HERC4: variants seen among roughly 807,000 people sequenced by gnomAD.
The protein encoded by HERC4 is probable E3 ubiquitin-protein ligase HERC4.
In HERC4, 28 loss-of-function variants were observed where a neutral mutation model predicts 124.3. The observed-to-expected ratio is 0.23, with a 90% CI of 0.17 to 0.31. The LOEUF (loss-of-function observed/expected upper bound fraction) is 0.31. HERC4 is among the 10% of genes least tolerant of loss of function. HERC4 has a pLI of 1.00. For missense variants in HERC4, 713 were observed against 1,229.3 expected (o/e 0.58, Z 6.28); for synonymous variants, 407 against 421.5 (o/e 0.97, Z 0.42).
intron 20 of HERC4, among the ~76,000 whole-genome samples, chr10:67,939,922 T>C (rs1564930508): frequency 6.6e-6 from 1 of 152,100 alleles, no homozygotes. Context: ...TTTTTCCTTA[T>C]TTTATTTTAT....
intron 3 of HERC4, among the ~76,000 whole-genome samples, chr10:68,058,734 A>G (rs2133698395): frequency 6.6e-6 from 1 of 152,192 alleles, no homozygotes; most frequent in Non-Finnish European, 1.5e-5. Flanking sequence ...TGATTATCCT[A>G]ATTTTAGAGA....
intron 19 of HERC4, among the ~76,000 whole-genome samples, chr10:67,943,298 GAGA>G (rs1208587747): frequency 6.6e-6 from 1 of 152,072 alleles, no homozygotes; most frequent in Non-Finnish European, 1.5e-5. Context: ...CCCTCTAAAA[GAGA>G]AGGAGGAAAA....
chr10:68,017,443 A>T (rs868560697), intron 8 of HERC4, among the ~76,000 whole-genome samples: 12 of 152,238 alleles, frequency 7.9e-5, no homozygotes, highest in Admixed American at 5.2e-4. Flanking sequence ...TTTGTGCACA[A>T]GAGACCAATA....
intron 15 of HERC4, among the ~76,000 whole-genome samples, chr10:67,983,900 T>C (rs987041044): frequency 2.6e-5 from 4 of 151,134 alleles, no homozygotes; most frequent in Non-Finnish European, 5.9e-5. Context: ...GAGACGGAGG[T>C]TGCAGTGAGC....
chr10:68,034,816 T>G (rs1057406907), intron 5 of HERC4, among the ~76,000 whole-genome samples: 5 of 151,104 alleles, frequency 3.3e-5, no homozygotes, highest in African/African-American at 7.3e-5. Flanking sequence ...TTAATACTCC[T>G]CTCTCTTTTT....
At chr10:67,956,796 C>T (rs2034169631) in intron 17 of HERC4, 82 bp downstream of exon 17, 1 of 850,424 alleles carries the variant, frequency 1.2e-6, no homozygotes, top group Admixed American at 2.7e-5. Flanking sequence ...CATTACTGAT[C>T]CTAGGAAAAT....
intron 9 of HERC4, among the ~76,000 whole-genome samples, chr10:68,002,680 C>T (rs1029669538): frequency 1.8e-4 from 26 of 147,334 alleles, no homozygotes; most frequent in African/African-American, 6.5e-4. Flanking sequence ...CTCACTGCAA[C>T]CTCTGCCTCC....
chr10:67,981,122 A>C (rs1254921593), intron 15 of HERC4, among the ~76,000 whole-genome samples: 2 of 152,236 alleles, frequency 1.3e-5, no homozygotes, highest in East Asian at 3.8e-4. Flanking sequence ...TAGAAAAATA[A>C]GACCAAATGA....
At chr10:68,071,034 A>T (rs1277281842) in intron 3 of HERC4, among the ~76,000 whole-genome samples, 1 of 152,104 alleles carries the variant, frequency 6.6e-6, no homozygotes, top group Non-Finnish European at 1.5e-5. Flanking sequence ...CAGACTCTAA[A>T]TTTCTCAAGA....
At chr10:67,943,654 T>C (rs1026451740) in intron 19 of HERC4, among the ~76,000 whole-genome samples, 1 of 152,168 alleles carries the variant, frequency 6.6e-6, no homozygotes, top group African/African-American at 2.4e-5. Context: ...AGACAGCTGA[T>C]AGTTAGGGTG....
chr10:67,961,723 T>C (rs759505235), intron 16 of HERC4, among the ~76,000 whole-genome samples: 2 of 152,188 alleles, frequency 1.3e-5, no homozygotes, highest in Non-Finnish European at 2.9e-5. Context: ...TCACCAGCGA[T>C]ATTATTGGAG....
At chr10:67,950,020 C>CA (rs368335790) in intron 19 of HERC4, among the ~76,000 whole-genome samples, 34 of 149,762 alleles carry the variant, frequency 2.3e-4, no homozygotes, top group African/African-American at 7.6e-4. Context: ...CTCCATCAAT[C>CA]AAAAAAACAA....
intron 17 of HERC4, 110 bp downstream of exon 17, chr10:67,956,768 A>G (rs2034166933): frequency 8.7e-6 from 5 of 573,122 alleles, no homozygotes; most frequent in African/African-American, 1.9e-5. Context: ...TAGCTACCCA[A>G]AGTACTTTGT....
chr10:68,070,907 T>C (rs1275093516), intron 3 of HERC4, among the ~76,000 whole-genome samples: 1 of 152,240 alleles, frequency 6.6e-6, no homozygotes, highest in Non-Finnish European at 1.5e-5. Context: ...AAATCTTACT[T>C]TAATTCTATC....
chr10:68,025,993 T>TA (rs1309325234), intron 7 of HERC4, among the ~76,000 whole-genome samples: 4 of 152,220 alleles, frequency 2.6e-5, no homozygotes, highest in Non-Finnish European at 5.9e-5. Context: ...TCACGAAACC[T>TA]AAAAACGGTA....
At chr10:67,995,397 G>A (rs2036810876) in intron 9 of HERC4, 1 of 305,734 alleles carries the variant, frequency 3.3e-6, no homozygotes, top group Non-Finnish European at 6.4e-6. Flanking sequence ...GAGGATTAAT[G>A]CTTGATCTAT....
intron 8 of HERC4, 21 bp downstream of exon 8, chr10:68,025,525 C>T (rs2038857503): frequency 6.2e-7 from 1 of 1,600,918 alleles, no homozygotes; most frequent in Non-Finnish European, 8.5e-7. Flanking sequence ...GACCAAAATG[C>T]TCTTTTACAT....
intron 3 of HERC4, chr10:68,069,366 T>G (rs895436323): frequency 1.0e-6 from 1 of 985,054 alleles, no homozygotes; most frequent in Non-Finnish European, 1.2e-6. Flanking sequence ...AGACATTCAC[T>G]TCTCTGGAAA....
rs747897415 is a variant in HERC4, at chr10:67,922,999, C to G, written c.3082G>C (p.Glu1028Gln). ...FNLLDLPKYT[E>Q]KETLRSKLIQ... ...AGTTTAGAGCGTAGAGTTTCTTTTT[C>G]TGTATATTTTGGAAGATCCAGAAGA... Residue 1028 changes from glutamate (E) to glutamine (Q), a missense_variant, in exon 25 of 25, where the codon GAA becomes CAA. Coordinates refer to ENST00000373700, the MANE Select transcript of HERC4 (RefSeq NM_015601.4). 2 of 1,613,690 alleles carry G rather than the reference C, an allele frequency of 1.2e-6. No homozygotes were observed. Among genetic ancestry groups the G allele is most frequent in the Non-Finnish European group, 1.7e-6 (2 of 1,179,812 alleles).
Sources: gnomAD v4.1 joint callset for allele counts (sites outside exome capture counted in the v4.1 genomes callset) on GRCh38, gnomAD v4.1.1 for gene constraint, MANE v1.5 for transcripts, NCBI Gene and HGNC (gene_info 2026-07-23, HGNC 2026-07-21) for gene names.